VAV3: variants seen among roughly 807,000 people sequenced by gnomAD.
VAV3 encodes guanine nucleotide exchange factor VAV3.
VAV3 carries 94 observed loss-of-function variants against 131.2 expected under a neutral mutation model. That is an observed-to-expected ratio of 0.72 (90% CI 0.61 to 0.85). The LOEUF (loss-of-function observed/expected upper bound fraction) is 0.85, where lower values mean the gene tolerates loss of function less well. Ranked by LOEUF, VAV3 falls within the 40% of genes least tolerant of loss-of-function variation. The pLI, the probability that VAV3 is intolerant of heterozygous loss-of-function variation, is 0.00. For missense variants in VAV3, 939 were observed against 1,002.7 expected (o/e 0.94, Z 0.86); for synonymous variants, 349 against 342.0 (o/e 1.02, Z -0.22).
intron 20 of VAV3, 131 bp downstream of exon 20, chr1:107,642,488 T>A: frequency 9.3e-7 from 1 of 1,080,582 alleles, no homozygotes. Flanking sequence ...GCCATTCTTT[T>A]ATTCCTTTAC....
chr1:107,734,120 A>G (rs1397740928), intron 15 of VAV3, among the ~76,000 whole-genome samples: 1 of 152,224 alleles, frequency 6.6e-6, no homozygotes, highest in African/African-American at 2.4e-5. Flanking sequence ...AAGCTTCCTA[A>G]GTGAAGGAGA....
intron 9 of VAV3, among the ~76,000 whole-genome samples, chr1:107,762,095 T>G (rs1025674555): frequency 6.9e-6 from 1 of 143,980 alleles, no homozygotes; most frequent in African/African-American, 2.6e-5. Flanking sequence ...TTACTGTTTC[T>G]CACGTAACTA....
Position 107,835,005 on chromosome 1 carries a change from C to T in VAV3, c.321+39896G>A, listed in dbSNP as rs964263422. Among the ~76,000 whole-genome samples, 37 of 152,156 alleles carry T rather than the reference C, an allele frequency of 2.4e-4. 1 individual carries two copies. The highest frequency in any genetic ancestry group is 8.4e-4 in the African/African-American group (35 of 41,438). On this transcript the variant is annotated intron_variant, in intron 2 of 26. Coordinates refer to ENST00000370056, the MANE Select transcript of VAV3 (RefSeq NM_006113.5). The stretch of plus-strand genomic sequence containing the variant: ...CTGCATGGAACCCAGGGGTTTTACA[C>T]ATAGGGCAGCTACAGCAAAATGCTC...
chr1:107,955,411 C>G (rs1214008993), intron 1 of VAV3, among the ~76,000 whole-genome samples: 2 of 151,792 alleles, frequency 1.3e-5, no homozygotes, highest in East Asian at 1.9e-4. Context: ...TTATGTATGC[C>G]TATTAGGTAT....
intron 24 of VAV3, 79 bp downstream of exon 24, chr1:107,602,318 G>A: frequency 9.4e-7 from 1 of 1,064,240 alleles, no homozygotes; most frequent in Middle Eastern, 3.1e-4. Context: ...AAATTTCCAA[G>A]AAACTATAGA....
At chr1:107,816,093 T>A (rs1557863756) in intron 2 of VAV3, among the ~76,000 whole-genome samples, 1 of 152,150 alleles carries the variant, frequency 6.6e-6, no homozygotes, top group Non-Finnish European at 1.5e-5. Context: ...CCTCACCTCC[T>A]GCTGTGTGGC....
chr1:107,771,615 G>T (rs1450018302), intron 5 of VAV3, among the ~76,000 whole-genome samples: 1 of 152,146 alleles, frequency 6.6e-6, no homozygotes, highest in African/African-American at 2.4e-5. Flanking sequence ...TTTCTTATCT[G>T]TCAAACAGAG....
intron 2 of VAV3, among the ~76,000 whole-genome samples, chr1:107,823,484 G>A (rs1031207850): frequency 1.3e-5 from 2 of 152,034 alleles, no homozygotes; most frequent in African/African-American, 2.4e-5. Flanking sequence ...GACTCCCCAC[G>A]TGGGCTGGGT....
intron 2 of VAV3, among the ~76,000 whole-genome samples, chr1:107,786,216 A>G (rs984127567): frequency 1.5e-4 from 23 of 152,236 alleles, no homozygotes; most frequent in African/African-American, 5.1e-4. Flanking sequence ...TCCAAATTAT[A>G]GTTTGTGCTG....
chr1:107,642,590 T>C (rs770335440), intron 20 of VAV3, 29 bp downstream of exon 20: 1 of 1,609,838 alleles, frequency 6.2e-7, no homozygotes, highest in African/African-American at 1.3e-5. Context: ...GGGGTCTGCA[T>C]CAGGACCCCT....
chr1:107,858,545 A>G (rs902245282), intron 2 of VAV3, among the ~76,000 whole-genome samples: 1 of 152,202 alleles, frequency 6.6e-6, no homozygotes, highest in Admixed American at 6.6e-5. Flanking sequence ...CTCTGCCTAG[A>G]GTCAGATCAG....
chr1:107,810,939 A>C (rs1667287820), intron 2 of VAV3, among the ~76,000 whole-genome samples: 1 of 152,188 alleles, frequency 6.6e-6, no homozygotes, highest in Admixed American at 6.5e-5. Flanking sequence ...AAAGGAAAAC[A>C]TTAAAGGTCA....
At chr1:107,821,649 C>T (rs1557866636) in intron 2 of VAV3, among the ~76,000 whole-genome samples, 1 of 152,036 alleles carries the variant, frequency 6.6e-6, no homozygotes. Flanking sequence ...GTTGGAGGGG[C>T]CAGGACATGC....
At chr1:107,748,744 CTCTT>C (rs2102055019) in intron 15 of VAV3, among the ~76,000 whole-genome samples, 1 of 152,252 alleles carries the variant, frequency 6.6e-6, no homozygotes, top group Admixed American at 6.5e-5. Flanking sequence ...TTAGAGCTCC[CTCTT>C]TCTTCTTTTT....
intron 2 of VAV3, among the ~76,000 whole-genome samples, chr1:107,849,273 C>T (rs1415529883): frequency 6.7e-6 from 1 of 149,682 alleles, no homozygotes; most frequent in Non-Finnish European, 1.5e-5. Flanking sequence ...ATAGCCAAGA[C>T]AATCCTAGGC....
chr1:107,733,765 T>C (rs538184198), intron 15 of VAV3, among the ~76,000 whole-genome samples: 2 of 152,138 alleles, frequency 1.3e-5, no homozygotes, highest in Admixed American at 1.3e-4. Context: ...CTAAATTTGA[T>C]TGGTGTACCT....
At chr1:107,749,631 T>C (rs1179199426) in intron 13 of VAV3, 37 bp from the exon 14 acceptor site, 2 of 1,592,404 alleles carry the variant, frequency 1.3e-6, no homozygotes, top group Admixed American at 1.8e-5. Flanking sequence ...TTTTAAATGG[T>C]TTAGAAACAT....
intron 3 of VAV3, 91 bp from the exon 4 acceptor site, chr1:107,777,387 G>A (rs145669023): frequency 8.5e-7 from 1 of 1,179,170 alleles, no homozygotes; most frequent in East Asian, 2.3e-5. Context: ...CACTAAATAT[G>A]TAAGTTGTCT....
At chr1:107,686,034 T>TGGGGTGGGGGGGGGGG (rs1658997400) in intron 18 of VAV3, 1 of 85,084 alleles carries the variant, frequency 1.2e-5, no homozygotes, top group African/African-American at 4.6e-5. Flanking sequence ...GTTGGGGGGG[T>TGGGGTGGGGGGGGGGG]GGGGGGGGAG....
Sources: allele counts gnomAD v4.1 joint callset (sites outside exome capture counted in the v4.1 genomes callset), GRCh38; gene constraint gnomAD v4.1.1; transcripts MANE v1.5; gene names NCBI Gene and HGNC (gene_info 2026-07-23, HGNC 2026-07-21).